ARSB: variants seen among roughly 807,000 people sequenced by gnomAD.
ARSB encodes arylsulfatase B, also known as N-acetylgalactosamine-4-sulfatase.
Under a neutral mutation model 50.9 loss-of-function variants are expected in ARSB, and 41 were observed. That is an observed-to-expected ratio of 0.81 (90% CI 0.63 to 1.04). The LOEUF (loss-of-function observed/expected upper bound fraction) is 1.04, where lower values mean the gene tolerates loss of function less well. Ranked by LOEUF, ARSB falls within the 50% of genes least tolerant of loss-of-function variation. The probability of loss-of-function intolerance (pLI) is 0.00; values close to 1 mark genes in which losing one functional copy is unlikely to be tolerated. For missense variants in ARSB, 672 were observed against 693.3 expected (o/e 0.97, Z 0.35); for synonymous variants, 269 against 284.8 (o/e 0.94, Z 0.56).
chr5:78,909,325 A>G (rs548047847), intron 4 of ARSB, among the ~76,000 whole-genome samples: 2 of 152,350 alleles, frequency 1.3e-5, no homozygotes, highest in East Asian at 3.9e-4. Context: ...CACATGTTTA[A>G]GAATAACTTT....
intron 6 of ARSB, among the ~76,000 whole-genome samples, chr5:78,788,896 C>CCAAG (rs1467329914): frequency 1.7e-4 from 26 of 152,202 alleles, no homozygotes; most frequent in African/African-American, 5.8e-4. Flanking sequence ...TCCCAAAGTG[C>CCAAG]TGAGGTATTA....
At chr5:78,912,693 T>A (rs148039201) in intron 4 of ARSB, among the ~76,000 whole-genome samples, 1 of 152,248 alleles carries the variant, frequency 6.6e-6, no homozygotes, top group African/African-American at 2.4e-5. Context: ...ACATGGCCCA[T>A]GAGAAAGCAT....
Position 78,780,231 on chromosome 5 carries a change from C to A in ARSB, c.*166G>T. 3 of 878,344 alleles carry A rather than the reference C, an allele frequency of 3.4e-6. No homozygotes were observed. The highest frequency in any genetic ancestry group is 5.3e-6 in the Non-Finnish European group (3 of 563,686). The allele number at this position is 878,344 out of a possible 1,614,324, so 54.4% of individuals were successfully genotyped here. A position where few individuals can be genotyped will look rare whatever the true frequency, so the allele number is the denominator to read the frequency against. ...ACAGCAGGAGTGTTGCAGATTTTAT[C>A]AGCTTCTTAAATGCATTAGGGGTTG... On this transcript the variant is annotated 3_prime_UTR_variant, in exon 8 of 8. Transcript: ENST00000264914.
chr5:78,800,192 C>T lies in ARSB; in HGVS notation c.1214-18218G>A, dbSNP rs1161873705. On this transcript the variant is annotated intron_variant, in intron 6 of 7. Transcript: ENST00000264914. ...AATTAGCTGGGCGTGGTGGTGTGCACCTGTAGTCCCAGCTACTCAGGAGGC... is the reference window on the plus strand; with the variant it reads ...AATTAGCTGGGCGTGGTGGTGTGCATCTGTAGTCCCAGCTACTCAGGAGGC... Among the ~76,000 whole-genome samples, 3 of 151,946 alleles carry T rather than the reference C, an allele frequency of 2.0e-5. No individual in the cohort carries two copies. In the East Asian group the frequency reaches 5.8e-4, roughly 29 times the overall value.
intron 5 of ARSB, among the ~76,000 whole-genome samples, chr5:78,842,252 C>G (rs999054356): frequency 6.6e-6 from 1 of 151,912 alleles, no homozygotes; most frequent in East Asian, 1.9e-4. Flanking sequence ...GGGACAGAAA[C>G]GGAGCTTGTC....
At chr5:78,904,436 T>A (rs1748947146) in intron 4 of ARSB, among the ~76,000 whole-genome samples, 1 of 152,102 alleles carries the variant, frequency 6.6e-6, no homozygotes, top group Non-Finnish European at 1.5e-5. Context: ...TGTAGTTTTC[T>A]TTGAGTTTAT....
At chr5:78,947,388 G>A (rs928103502) in intron 4 of ARSB, among the ~76,000 whole-genome samples, 8 of 152,062 alleles carry the variant, frequency 5.3e-5, no homozygotes, top group Non-Finnish European at 7.4e-5. Context: ...CATTTGACAA[G>A]GGACAAATAA....
chr5:78,927,581 GAAAGAATAGAAGTCAA>G (rs1750112055), intron 4 of ARSB, among the ~76,000 whole-genome samples: 1 of 152,188 alleles, frequency 6.6e-6, no homozygotes, highest in African/African-American at 2.4e-5. Context: ...ACACACACCG[GAAAGAATAGAAGTCAA>G]AACAGAGATA....
At chr5:78,930,891 A>C (rs369526496) in intron 4 of ARSB, among the ~76,000 whole-genome samples, 45 of 152,348 alleles carry the variant, frequency 3.0e-4, no homozygotes, top group African/African-American at 1.0e-3. Context: ...CCAAGAGCTT[A>C]GGCACTGCGT....
At chr5:78,962,597 G>A (rs3822575) in intron 3 of ARSB, among the ~76,000 whole-genome samples, 26,071 of 146,086 alleles carry the variant, frequency 0.18, 2,335 homozygotes, top group Middle Eastern at 0.24. Flanking sequence ...GTGCGATCTC[G>A]GCTCACTGCA....
intron 4 of ARSB, among the ~76,000 whole-genome samples, chr5:78,942,537 T>C (rs144532544): frequency 0.035 from 5,295 of 152,314 alleles, 290 homozygotes; most frequent in African/African-American, 0.12. Context: ...CATTTCATTA[T>C]GTACCCAGTA....
rs774949257 is a variant in ARSB at position 78,964,605 on chromosome 5, T to C, written c.501A>G (p.Gly167=). The C allele has an allele frequency of 1.2e-5, 19 of 1,613,044 alleles. No homozygotes were observed. Among genetic ancestry groups the C allele is most frequent in the East Asian group, 4.5e-5 (2 of 44,880 alleles). The change falls in exon 3 of 8, where the codon GGA becomes GGG. Residue 167 remains glycine, a splice_region_variant and synonymous_variant. Coordinates refer to ENST00000264914, the MANE Select transcript of ARSB (RefSeq NM_000046.5). ...AATAATCTTCACTACCCAGGAGATATCCTGCAAGAATGGAAGACGAAAATA... is the reference window on the plus strand; with the variant it reads ...AATAATCTTCACTACCCAGGAGATACCCTGCAAGAATGGAAGACGAAAATA... The part of the protein sequence containing the change: ...PTRRGFDTYF[G]YLLGSEDYYS...
chr5:78,964,301 C>A, intron 3 of ARSB, 115 bp downstream of exon 3: 1 of 1,062,042 alleles, frequency 9.4e-7, no homozygotes, highest in Non-Finnish European at 1.4e-6. Flanking sequence ...TTGAAAAGGA[C>A]TTCCCTAGAA....
chr5:78,897,419 CTCTT>C (rs1366022969), intron 4 of ARSB, among the ~76,000 whole-genome samples: 1 of 152,208 alleles, frequency 6.6e-6, no homozygotes, highest in African/African-American at 2.4e-5. Flanking sequence ...GTAGTGACCT[CTCTT>C]TCAAGAGGCT....
At chr5:78,791,076 C>G (rs543542151) in intron 6 of ARSB, among the ~76,000 whole-genome samples, 1 of 152,302 alleles carries the variant, frequency 6.6e-6, no homozygotes, top group Admixed American at 6.5e-5. Context: ...TTTCATTCTT[C>G]GCCAATAACC....
chr5:78,801,526 G>A (rs1743393130), intron 6 of ARSB, among the ~76,000 whole-genome samples: 1 of 152,220 alleles, frequency 6.6e-6, no homozygotes, highest in Non-Finnish European at 1.5e-5. Flanking sequence ...TAGAAGTGCT[G>A]ATGGATTTGC....
At chr5:78,920,836 T>C (rs1214465065) in intron 4 of ARSB, among the ~76,000 whole-genome samples, 9 of 152,178 alleles carry the variant, frequency 5.9e-5, no homozygotes, top group African/African-American at 1.9e-4. Flanking sequence ...TGCAGCCTTG[T>C]TGCTTGTTAC....
At chr5:78,827,962 T>C (rs554682100) in intron 6 of ARSB, among the ~76,000 whole-genome samples, 3 of 152,310 alleles carry the variant, frequency 2.0e-5, no homozygotes, top group African/African-American at 7.2e-5. Context: ...AGATTTTTCT[T>C]TATTTTGGGA....
chr5:78,841,573 T>A (rs1745216096), intron 5 of ARSB, among the ~76,000 whole-genome samples: 1 of 152,174 alleles, frequency 6.6e-6, no homozygotes, highest in African/African-American at 2.4e-5. Context: ...TCAGGGCCAG[T>A]ATATTAATAC....
Sources: allele counts gnomAD v4.1 joint callset (sites outside exome capture counted in the v4.1 genomes callset), GRCh38; gene constraint gnomAD v4.1.1; transcripts MANE v1.5; gene names NCBI Gene and HGNC (gene_info 2026-07-23, HGNC 2026-07-21).